Variants in NCALD observed in about 807,000 individuals in gnomAD.
NCALD encodes neurocalcin delta.
In NCALD, 10 loss-of-function variants were observed where a neutral mutation model predicts 18.6. The observed-to-expected ratio is 0.54, with a 90% CI of 0.33 to 0.91. NCALD has a LOEUF of 0.91. Among genes scored for constraint, NCALD ranks in the 40% least tolerant of loss-of-function variants. NCALD has a pLI of 0.03. For missense variants in NCALD, 184 were observed against 247.6 expected (o/e 0.74, Z 1.72); for synonymous variants, 88 against 87.4 (o/e 1.01, Z -0.04).
intron 1 of NCALD, among the ~76,000 whole-genome samples, chr8:101,757,353 G>A (rs138228075): frequency 6.6e-6 from 1 of 152,322 alleles, no homozygotes; most frequent in African/African-American, 2.4e-5. Context: ...GTAAAGCTAT[G>A]TGTTACTTTC....
At chr8:101,713,212 A>G (rs968914652) in intron 2 of NCALD, among the ~76,000 whole-genome samples, 4 of 152,304 alleles carry the variant, frequency 2.6e-5, no homozygotes, top group Admixed American at 6.5e-5. Context: ...GAAATAAATA[A>G]GTCCTTTGAA....
At chr8:101,706,951 A>G (rs932891009) in intron 2 of NCALD, among the ~76,000 whole-genome samples, 6 of 152,256 alleles carry the variant, frequency 3.9e-5, no homozygotes, top group Admixed American at 2.6e-4. Flanking sequence ...CAGTTCTTGG[A>G]GGAAGTCACT....
intron 4 of NCALD, among the ~76,000 whole-genome samples, chr8:101,840,944 C>T (rs190637986): frequency 6.6e-6 from 1 of 152,084 alleles, no homozygotes; most frequent in African/African-American, 2.4e-5. Flanking sequence ...TTATTAATAT[C>T]TTTTAAATAT....
chr8:102,064,761 A>T (rs1476028741), intron 1 of NCALD, among the ~76,000 whole-genome samples: 2 of 152,286 alleles, frequency 1.3e-5, no homozygotes, highest in East Asian at 3.9e-4. Flanking sequence ...CATACCACAC[A>T]GGAATGAAAA....
At chr8:102,099,723 T>C (rs622553) in intron 1 of NCALD, among the ~76,000 whole-genome samples, 97,102 of 151,760 alleles carry the variant, frequency 0.64, 31,188 homozygotes, top group Middle Eastern at 0.67. Flanking sequence ...GTGGGTGGAT[T>C]GCCTGAGGTC....
chr8:101,839,293 G>GAAA (rs964933764), intron 4 of NCALD, among the ~76,000 whole-genome samples: 1 of 148,408 alleles, frequency 6.7e-6, no homozygotes, highest in African/African-American at 2.5e-5. Flanking sequence ...ACAGAAGAGG[G>GAAA]AAAAAAAAAA....
intron 1 of NCALD, among the ~76,000 whole-genome samples, chr8:101,784,614 T>C (rs780284797): frequency 2.0e-4 from 31 of 151,620 alleles, no homozygotes; most frequent in African/African-American, 3.4e-4. Context: ...CTGGGCAACA[T>C]AGTGAGACCC....
chr8:102,026,596 C>T (rs1822467109), intron 1 of NCALD, among the ~76,000 whole-genome samples: 5 of 152,156 alleles, frequency 3.3e-5, no homozygotes. Flanking sequence ...GTACAGCCAC[C>T]CTGTCAGCTT....
chr8:102,111,601 C>T (rs771781936), intron 1 of NCALD, among the ~76,000 whole-genome samples: 2 of 152,016 alleles, frequency 1.3e-5, no homozygotes, highest in Non-Finnish European at 2.9e-5. Flanking sequence ...AGAGCAACAC[C>T]CCAATATTAA....
At chr8:101,916,934 A>T (rs1817989263) in intron 2 of NCALD, among the ~76,000 whole-genome samples, 1 of 151,866 alleles carries the variant, frequency 6.6e-6, no homozygotes. Context: ...CCATTGTCAG[A>T]TCATCAAGGC....
At chr8:102,000,859 A>C (rs1821429271) in intron 2 of NCALD, among the ~76,000 whole-genome samples, 2 of 152,234 alleles carry the variant, frequency 1.3e-5, no homozygotes, top group South Asian at 4.1e-4. Context: ...GGACAGCCAC[A>C]CCAAAACCCC....
intron 2 of NCALD, among the ~76,000 whole-genome samples, chr8:101,983,091 A>G (rs1267095708): frequency 3.3e-5 from 5 of 152,116 alleles, no homozygotes; most frequent in Admixed American, 3.3e-4. Context: ...TACCAGATAC[A>G]TATGCTTCTG....
chr8:101,691,912 A>T (rs976807689), intron 3 of NCALD: 56 of 985,334 alleles, frequency 5.7e-5, no homozygotes, highest in Non-Finnish European at 6.6e-5. Context: ...GCTGATAATA[A>T]CAGCAAGAGC....
At chr8:101,972,269 G>A (rs1381583983) in intron 2 of NCALD, among the ~76,000 whole-genome samples, 1 of 152,164 alleles carries the variant, frequency 6.6e-6, no homozygotes, top group African/African-American at 2.4e-5. Flanking sequence ...TAGAGCCCAA[G>A]CTTTGTGGTC....
intron 3 of NCALD, among the ~76,000 whole-genome samples, chr8:101,913,883 AC>A (rs932886111): frequency 3.9e-5 from 6 of 152,164 alleles, no homozygotes; most frequent in African/African-American, 1.4e-4. Context: ...CGCCTGGCCT[AC>A]TTAACTGTTT....
Position 101,692,903 on chromosome 8 carries a change from A to G in NCALD, c.379-7T>C, listed in dbSNP as rs548529671. 19 of 1,594,284 alleles carry G rather than the reference A, an allele frequency of 1.2e-5. No homozygotes were observed. Among genetic ancestry groups the G allele is most frequent in the Admixed American group, 1.2e-4 (7 of 59,992 alleles). On this transcript the variant is annotated splice_region_variant and splice_polypyrimidine_tract_variant and intron_variant, in intron 2 of 3. Coordinates refer to ENST00000220931, the MANE Select transcript of NCALD (RefSeq NM_032041.3). ...AAACCATCTTATAGATTGCCTGGGG[A>G]CAGAAGCGACATGGTGGTAAGACAG...
chr8:101,728,021 T>A (rs1333976460), intron 1 of NCALD, among the ~76,000 whole-genome samples: 2 of 152,218 alleles, frequency 1.3e-5, no homozygotes, highest in Admixed American at 6.5e-5. Context: ...AAAAAATAAA[T>A]CTGGAGTTGA....
At chr8:102,047,805 C>T (rs1823301640) in intron 1 of NCALD, among the ~76,000 whole-genome samples, 1 of 152,216 alleles carries the variant, frequency 6.6e-6, no homozygotes, top group Non-Finnish European at 1.5e-5. Context: ...TAATACAGGA[C>T]CCCTCCAGTT....
At chr8:101,978,168 A>C (rs1321229713) in intron 2 of NCALD, among the ~76,000 whole-genome samples, 1 of 151,496 alleles carries the variant, frequency 6.6e-6, no homozygotes, top group Non-Finnish European at 1.5e-5. Flanking sequence ...TGATTTTTCA[A>C]GTTAAAAAAA....
Sources: gnomAD v4.1 joint callset for allele counts (sites outside exome capture counted in the v4.1 genomes callset) on GRCh38, gnomAD v4.1.1 for gene constraint, MANE v1.5 for transcripts, NCBI Gene and HGNC (gene_info 2026-07-23, HGNC 2026-07-21) for gene names.